The following TXNDC5 variants were observed in gnomAD, a reference collection of about 807,000 sequenced individuals.
TXNDC5 encodes the protein thioredoxin domain containing 5.
Under a neutral mutation model 52.6 loss-of-function variants are expected in TXNDC5, and 44 were observed. The observed-to-expected ratio is 0.84, with a 90% CI of 0.66 to 1.08. The LOEUF (loss-of-function observed/expected upper bound fraction) is 1.08, where lower values mean the gene tolerates loss of function less well. Among genes scored for constraint, TXNDC5 ranks in the 50% least tolerant of loss-of-function variants. TXNDC5 has a pLI of 0.00. For synonymous variants in TXNDC5, 241 were observed against 234.4 expected, an observed-to-expected ratio of 1.03 and a Z score of -0.26; for missense variants, 600 against 565.5, an observed-to-expected ratio of 1.06 and a Z score of -0.62.
intron 4 of TXNDC5, among the ~76,000 whole-genome samples, chr6:7,892,182 G>A (rs1166628373): frequency 2.6e-5 from 4 of 152,252 alleles, no homozygotes; most frequent in African/African-American, 7.2e-5. Context: ...ATCCCAAAGA[G>A]AGACAACTGG....
chr6:7,889,475 A>C lies in TXNDC5; in HGVS notation c.819+20T>G, dbSNP rs773582465. 2 of 1,609,552 alleles carry C rather than the reference A, an allele frequency of 1.2e-6. No homozygotes were observed. The highest frequency in any genetic ancestry group is 3.3e-5 in the Admixed American group (2 of 59,980). On this transcript the variant is annotated intron_variant, in intron 6 of 9. Transcript: ENST00000379757. The stretch of plus-strand genomic sequence containing the variant: ...GGTTAAGAGATGAAGAATTCTCAGT[A>C]CTAAGAAGTGCAGACGTACCTTTTT...
rs548593250 is a variant in TXNDC5 at position 7,881,520 on chromosome 6, T to TAAA, written c.*1621_*1623dup. 1 of 151,476 alleles carries TAAA rather than the reference T, an allele frequency of 6.6e-6. No homozygotes were observed. Among genetic ancestry groups the TAAA allele is most frequent in the South Asian group, 2.1e-4 (1 of 4,784 alleles). The allele number at this position is 151,476 out of a possible 1,614,324, so 9.4% of individuals were successfully genotyped here. ...AACATTGAAGGAAAGACCAGACTTTTAAAAAAAAAGAGTTTATTTAGAAAG... is the reference window on the plus strand; with the variant it reads ...AACATTGAAGGAAAGACCAGACTTTTAAAAAAAAAAAAGAGTTTATTTAGAAAG... On this transcript the variant is annotated 3_prime_UTR_variant, in exon 10 of 10. Coordinates refer to ENST00000379757, the MANE Select transcript of TXNDC5 (RefSeq NM_030810.5).
chr6:7,888,914 C>T (rs772823307), intron 6 of TXNDC5, 66 bp from the exon 7 acceptor site: 22 of 1,517,744 alleles, frequency 1.4e-5, no homozygotes, highest in Non-Finnish European at 1.9e-5. Context: ...TTAAGCCTTC[C>T]TGCAACCCCT....
chr6:7,892,281 C>T (rs1760220356), intron 4 of TXNDC5, among the ~76,000 whole-genome samples: 1 of 152,224 alleles, frequency 6.6e-6, no homozygotes, highest in Admixed American at 6.5e-5. Context: ...ACCCAACTAC[C>T]AATTTCCAGG....
At chr6:7,885,547 C>A (rs150246659) in intron 8 of TXNDC5, among the ~76,000 whole-genome samples, 1 of 152,080 alleles carries the variant, frequency 6.6e-6, no homozygotes, top group African/African-American at 2.4e-5. Context: ...AAAAGAAATC[C>A]GAGTACTTAA....
At chr6:7,890,360 C>A (rs1279098852) in intron 5 of TXNDC5, among the ~76,000 whole-genome samples, 1 of 152,106 alleles carries the variant, frequency 6.6e-6, no homozygotes, top group East Asian at 1.9e-4. Context: ...AGGTGCGGAA[C>A]TGAAGTACAA....
chr6:7,910,370 AGCCCCGC>A (rs1053852285), intron 1 of TXNDC5, 137 bp downstream of exon 1: 158 of 974,832 alleles, frequency 1.6e-4, no homozygotes, highest in Non-Finnish European at 1.9e-4. Flanking sequence ...CTGAGCCCCG[AGCCCCGC>A]GCCCGTAGCA....
chr6:7,892,232 C>T (rs903758242), intron 4 of TXNDC5, among the ~76,000 whole-genome samples: 2 of 151,962 alleles, frequency 1.3e-5, no homozygotes, highest in African/African-American at 4.8e-5. Context: ...CTTCTTGTGC[C>T]CCCAAAAAAC....
chr6:7,892,930 T>C (rs149859577), intron 4 of TXNDC5, among the ~76,000 whole-genome samples: 67 of 152,368 alleles, frequency 4.4e-4, no homozygotes, highest in African/African-American at 1.6e-3. Flanking sequence ...GGCTGTGCCC[T>C]GCATGGGACA....
chr6:7,894,643 C>T, intron 4 of TXNDC5: 1 of 830,524 alleles, frequency 1.2e-6, no homozygotes, highest in Non-Finnish European at 1.5e-6. Flanking sequence ...AAACAATGTA[C>T]CTTAATTAAA....
At position 7,888,830 on chromosome 6, in the gene TXNDC5, T is replaced by C; in HGVS notation, c.838A>G (p.Lys280Glu). Residue 280 changes from lysine (K) to glutamate (E), a missense_variant, in exon 7 of 10, where the codon AAG becomes GAG. Coordinates refer to ENST00000379757, the MANE Select transcript of TXNDC5 (RefSeq NM_030810.5). ...DGKKVDQYKG[K>E]RDLESLREYV... ...TCCCTCAGTGACTCCAAATCCCGCT[T>C]TCCCTTGTACTGATCCACCTGGCCA... 11 of 1,613,592 alleles carry C rather than the reference T, an allele frequency of 6.8e-6. No homozygotes were observed. Among genetic ancestry groups the C allele is most frequent in the Non-Finnish European group, 9.3e-6 (11 of 1,179,718 alleles).
intron 6 of TXNDC5, 116 bp from the exon 7 acceptor site, chr6:7,888,964 T>C: frequency 7.7e-7 from 1 of 1,307,064 alleles, no homozygotes; most frequent in South Asian, 1.5e-5. Flanking sequence ...TTAGCGGTGG[T>C]GCAAAGTCTG....
At chr6:7,896,016 G>C (rs1760359025) in intron 3 of TXNDC5, among the ~76,000 whole-genome samples, 1 of 152,062 alleles carries the variant, frequency 6.6e-6, no homozygotes, top group African/African-American at 2.4e-5. Context: ...ACAGACACGA[G>C]GGTAGCAAAA....
chr6:7,910,008 C>T (rs902285944), intron 1 of TXNDC5: 48 of 986,020 alleles, frequency 4.9e-5, no homozygotes, highest in Non-Finnish European at 5.7e-5. Flanking sequence ...TTTGGACTCC[C>T]GGCTGCCCGA....
At chr6:7,891,985 G>C (rs1034563575) in intron 4 of TXNDC5, among the ~76,000 whole-genome samples, 1 of 152,190 alleles carries the variant, frequency 6.6e-6, no homozygotes, top group Non-Finnish European at 1.5e-5. Context: ...TTGGAAAACT[G>C]TAATAAAAGG....
chr6:7,889,021 C>T (rs34782746), intron 6 of TXNDC5, 173 bp from the exon 7 acceptor site: 14,781 of 814,662 alleles, frequency 0.018, 209 homozygotes, highest in African/African-American at 0.06. Flanking sequence ...CTGAATGCCT[C>T]GGCTTTGGTG....
chr6:7,885,084 T>C (rs1170424249), intron 8 of TXNDC5, among the ~76,000 whole-genome samples: 1 of 152,186 alleles, frequency 6.6e-6, no homozygotes, highest in Non-Finnish European at 1.5e-5. Context: ...TGATACTTGA[T>C]CTGTGGAGCT....
At chr6:7,895,234 T>C (rs906820086) in intron 3 of TXNDC5, 32 bp from the exon 4 acceptor site, 19 of 1,586,214 alleles carry the variant, frequency 1.2e-5, no homozygotes, top group Non-Finnish European at 1.6e-5. Flanking sequence ...GTCATGGGTG[T>C]GTCAGTGGAG....
chr6:7,906,547 A>G (rs1301551436), intron 1 of TXNDC5, among the ~76,000 whole-genome samples: 1 of 150,158 alleles, frequency 6.7e-6, no homozygotes, highest in African/African-American at 2.5e-5. Flanking sequence ...AAAAAAAAAA[A>G]AAAAAAAAAA....
Sources: gnomAD v4.1 joint callset for allele counts (sites outside exome capture counted in the v4.1 genomes callset) on GRCh38, gnomAD v4.1.1 for gene constraint, MANE v1.5 for transcripts, NCBI Gene and HGNC (gene_info 2026-07-23, HGNC 2026-07-21) for gene names.